SPATA13: variants seen among roughly 807,000 people sequenced by gnomAD.
SPATA13 encodes the protein spermatogenesis associated 13, also known as spermatogenesis-associated protein 13.
A neutral mutation model predicts 104.0 loss-of-function variants in SPATA13; 50 were observed. The observed-to-expected ratio is 0.48, with a 90% CI of 0.38 to 0.61. SPATA13 has a LOEUF of 0.61. Ranked by LOEUF, SPATA13 falls within the 20% of genes least tolerant of loss-of-function variation. The pLI is 0.00. For synonymous variants in SPATA13, 606 were observed against 667.5 expected, an observed-to-expected ratio of 0.91 and a Z score of 1.42; for missense variants, 1,524 against 1,690.6, an observed-to-expected ratio of 0.90 and a Z score of 1.73.
chr13:24,187,324 C>G (rs1235670653), intron 1 of SPATA13, among the ~76,000 whole-genome samples: 3 of 152,122 alleles, frequency 2.0e-5, no homozygotes, highest in Non-Finnish European at 4.4e-5. Flanking sequence ...GGTTGTCTGG[C>G]CTCTTTTCTG....
At chr13:24,227,053 A>C (rs1871984694) in intron 2 of SPATA13, among the ~76,000 whole-genome samples, 1 of 152,166 alleles carries the variant, frequency 6.6e-6, no homozygotes, top group South Asian at 2.1e-4. Context: ...TAGTTACCAG[A>C]CTTAGGAAGG....
At chr13:24,248,140 C>T (rs745994677) in intron 2 of SPATA13, among the ~76,000 whole-genome samples, 5 of 152,236 alleles carry the variant, frequency 3.3e-5, no homozygotes, top group African/African-American at 9.6e-5. Context: ...AGGTCTCTGA[C>T]GCAGCCCTCC....
chr13:24,002,310 T>A (rs1196558184), intron 2 of SPATA13, among the ~76,000 whole-genome samples: 1 of 152,236 alleles, frequency 6.6e-6, no homozygotes, highest in East Asian at 1.9e-4. Context: ...CCAGTCTCCA[T>A]GTTGGGCTTG....
chr13:24,268,331 G>A (rs1874388621), intron 4 of SPATA13, among the ~76,000 whole-genome samples: 1 of 152,172 alleles, frequency 6.6e-6, no homozygotes, highest in Non-Finnish European at 1.5e-5. Context: ...GTAGTCTGCT[G>A]TGAAAAACAG....
In SPATA13 at chr13:24,249,859, A is replaced by C; in HGVS notation, c.2019+17A>C. On this transcript the variant is annotated intron_variant, in intron 3 of 12. Transcript: ENST00000382108. ...CTGACCCAAGTAAGATCTGGTGTGC[A>C]CTTCCCCAAGCCAGCAGAGGCCCTC... The C allele has an allele frequency of 6.4e-7, 1 of 1,571,688 alleles. No homozygotes were observed. The highest frequency in any genetic ancestry group is 1.4e-5 in the African/African-American group (1 of 73,826).
intron 2 of SPATA13, among the ~76,000 whole-genome samples, chr13:24,245,463 A>G (rs183756254): frequency 1.5e-3 from 224 of 151,732 alleles, no homozygotes; most frequent in African/African-American, 5.4e-3. Context: ...AATTTTGTAT[A>G]TTATACTGTA....
chr13:24,211,883 C>T (rs944833598), intron 1 of SPATA13, among the ~76,000 whole-genome samples: 1 of 152,122 alleles, frequency 6.6e-6, no homozygotes, highest in Non-Finnish European at 1.5e-5. Flanking sequence ...CCCCAACATC[C>T]GTCCTTTCTC....
chr13:24,285,125 G>C (rs1165040482), intron 5 of SPATA13, among the ~76,000 whole-genome samples: 1 of 152,140 alleles, frequency 6.6e-6, no homozygotes, highest in Non-Finnish European at 1.5e-5. Context: ...CCAGTGATGT[G>C]TATCGTTGGG....
At chr13:24,080,183 G>T (rs1879462374) in intron 3 of SPATA13, among the ~76,000 whole-genome samples, 2 of 152,112 alleles carry the variant, frequency 1.3e-5, no homozygotes, top group African/African-American at 2.4e-5. Context: ...GTTCTTCTTT[G>T]CCATAAAAGG....
At chr13:24,076,713 C>A (rs753383604) in intron 3 of SPATA13, among the ~76,000 whole-genome samples, 4 of 151,516 alleles carry the variant, frequency 2.6e-5, no homozygotes, top group Non-Finnish European at 4.4e-5. Flanking sequence ...AGGAAGGATC[C>A]GCTCACAAGA....
At chr13:24,163,821 CTGTT>C (rs1407115793) in intron 1 of SPATA13, among the ~76,000 whole-genome samples, 1 of 152,236 alleles carries the variant, frequency 6.6e-6, no homozygotes, top group African/African-American at 2.4e-5. Flanking sequence ...GTTGACCTCT[CTGTT>C]TGCTGCTGGA....
chr13:24,108,187 C>A (rs1880516648), intron 3 of SPATA13, among the ~76,000 whole-genome samples: 1 of 152,236 alleles, frequency 6.6e-6, no homozygotes, highest in Admixed American at 6.5e-5. Flanking sequence ...GTTACTAATC[C>A]ATGAGAGCTC....
At chr13:23,984,142 C>G (rs1451915180) in intron 2 of SPATA13, among the ~76,000 whole-genome samples, 2 of 152,236 alleles carry the variant, frequency 1.3e-5, no homozygotes, top group Non-Finnish European at 2.9e-5. Flanking sequence ...ATGATAGGGT[C>G]TAGGGCGAAG....
intron 3 of SPATA13, among the ~76,000 whole-genome samples, chr13:24,114,041 T>C (rs932058650): frequency 2.0e-5 from 3 of 152,200 alleles, no homozygotes; most frequent in Non-Finnish European, 4.4e-5. Flanking sequence ...CAAGTCTGAA[T>C]GTGGAAGAGT....
chr13:24,292,270 A>G (rs1399338710), intron 9 of SPATA13, among the ~76,000 whole-genome samples: 2 of 152,194 alleles, frequency 1.3e-5, no homozygotes, highest in African/African-American at 2.4e-5. Context: ...TTTCCATGCC[A>G]TGGGAAAATG....
intron 3 of SPATA13, among the ~76,000 whole-genome samples, chr13:24,072,631 C>T (rs1388721631): frequency 6.6e-6 from 1 of 152,132 alleles, no homozygotes; most frequent in African/African-American, 2.4e-5. Flanking sequence ...ATTGAATCTG[C>T]CTTCTGGATT....
intron 4 of SPATA13, among the ~76,000 whole-genome samples, chr13:24,260,620 C>T (rs867994311): frequency 9.2e-5 from 14 of 152,098 alleles, no homozygotes; most frequent in Non-Finnish European, 1.5e-4. Context: ...TTTGGAGAAA[C>T]CCAATGAAAC....
intron 1 of SPATA13, among the ~76,000 whole-genome samples, chr13:24,171,428 G>A (rs1049372101): frequency 5.9e-5 from 9 of 152,308 alleles, no homozygotes; most frequent in African/African-American, 9.6e-5. Context: ...CGTGTCTCAC[G>A]TATGGTTTCC....
At chr13:24,151,493 C>T (rs1473075155) in intron 3 of SPATA13, among the ~76,000 whole-genome samples, 1 of 152,196 alleles carries the variant, frequency 6.6e-6, no homozygotes, top group East Asian at 1.9e-4. Context: ...TCATTTACAA[C>T]CAACTTATTT....
Sources: gnomAD v4.1 joint callset for allele counts (sites outside exome capture counted in the v4.1 genomes callset) on GRCh38, gnomAD v4.1.1 for gene constraint, MANE v1.5 for transcripts, NCBI Gene and HGNC (gene_info 2026-07-23, HGNC 2026-07-21) for gene names.